RIMS1: variants seen among roughly 807,000 people sequenced by gnomAD.
RIMS1 encodes the protein regulating synaptic membrane exocytosis 1, also known as regulating synaptic membrane exocytosis protein 1.
A neutral mutation model predicts 214.1 loss-of-function variants in RIMS1; 83 were observed. That is an observed-to-expected ratio of 0.39 (90% CI 0.32 to 0.47). RIMS1 has a LOEUF of 0.47. Ranked by LOEUF, RIMS1 falls within the 20% of genes least tolerant of loss-of-function variation. The pLI is 0.99. For missense variants in RIMS1, 2,050 were observed against 2,161.8 expected, an observed-to-expected ratio of 0.95 and a Z score of 1.03; for synonymous variants, 793 against 786.8, an observed-to-expected ratio of 1.01 and a Z score of -0.13.
intron 1 of RIMS1, among the ~76,000 whole-genome samples, chr6:71,916,177 A>C (rs1338485182): frequency 6.6e-6 from 1 of 152,198 alleles, no homozygotes; most frequent in Non-Finnish European, 1.5e-5. Flanking sequence ...TTTAGAAAGC[A>C]GAATAGGAAT....
chr6:72,042,453 T>A (rs1821710998), intron 2 of RIMS1, among the ~76,000 whole-genome samples: 1 of 151,932 alleles, frequency 6.6e-6, no homozygotes. Context: ...CCATGTTTAA[T>A]CAGGTCTTAA....
intron 2 of RIMS1, among the ~76,000 whole-genome samples, chr6:72,013,891 T>C (rs1811770624): frequency 6.6e-6 from 1 of 152,160 alleles, no homozygotes; most frequent in African/African-American, 2.4e-5. Flanking sequence ...CCCCATGTAT[T>C]TTACACCTAA....
chr6:72,387,570 G>T (rs1365086070), intron 29 of RIMS1, among the ~76,000 whole-genome samples: 2 of 152,178 alleles, frequency 1.3e-5, no homozygotes, highest in Non-Finnish European at 2.9e-5. Context: ...AAACTAAACA[G>T]CATTTACAAT....
chr6:71,971,583 T>C (rs1795870281), intron 2 of RIMS1, among the ~76,000 whole-genome samples: 1 of 152,186 alleles, frequency 6.6e-6, no homozygotes, highest in African/African-American at 2.4e-5. Context: ...TTCATGCTAC[T>C]GATAAAGACA....
intron 29 of RIMS1, among the ~76,000 whole-genome samples, chr6:72,346,866 C>T (rs998023577): frequency 2.6e-5 from 4 of 151,660 alleles, no homozygotes; most frequent in Non-Finnish European, 2.9e-5. Flanking sequence ...AGTCAGAGAC[C>T]GCTTAATCCA....
intron 28 of RIMS1, among the ~76,000 whole-genome samples, chr6:72,315,128 A>G (rs1326570121): frequency 6.6e-6 from 1 of 152,200 alleles, no homozygotes; most frequent in African/African-American, 2.4e-5. Flanking sequence ...GGGGAAAACT[A>G]CATGTTAGTA....
At chr6:71,986,224 T>C (rs2151540857) in intron 2 of RIMS1, among the ~76,000 whole-genome samples, 1 of 151,358 alleles carries the variant, frequency 6.6e-6, no homozygotes, top group South Asian at 2.1e-4. Context: ...TTCACCCTCT[T>C]AGTAGAGAGA....
chr6:72,367,924 G>A (rs2098089117), intron 29 of RIMS1, among the ~76,000 whole-genome samples: 2 of 152,050 alleles, frequency 1.3e-5, no homozygotes, highest in African/African-American at 4.8e-5. Context: ...AGTAATACTT[G>A]TATTAAATTA....
intron 6 of RIMS1, among the ~76,000 whole-genome samples, chr6:72,197,846 A>T (rs2051253275): frequency 6.6e-6 from 1 of 152,134 alleles, no homozygotes; most frequent in Admixed American, 6.6e-5. Flanking sequence ...GAGTACAAAG[A>T]TTATAATTGT....
intron 4 of RIMS1, among the ~76,000 whole-genome samples, chr6:72,137,797 C>T (rs1289503109): frequency 2.1e-5 from 3 of 144,056 alleles, no homozygotes; most frequent in African/African-American, 7.8e-5. Flanking sequence ...AGTGCAGTGG[C>T]ACGATCTCGG....
rs567241693 is a variant in RIMS1 at position 72,037,345 on chromosome 6, A to G, written c.246-59604A>G. On this transcript the variant is annotated intron_variant, in intron 2 of 33. Coordinates refer to ENST00000521978, the MANE Select transcript of RIMS1 (RefSeq NM_014989.7). ...ATTCTAAAAACACTTTGGTATTCTCATAATGAGAAATGTAATCCAGGGCTT... is the reference window on the plus strand; with the variant it reads ...ATTCTAAAAACACTTTGGTATTCTCGTAATGAGAAATGTAATCCAGGGCTT... 5.9e-5 allele frequency among the ~76,000 whole-genome samples: 9 copies of G among 152,260 alleles called. No individual in the cohort carries two copies. In the South Asian group the frequency reaches 1.7e-3, roughly 28 times the overall value.
In RIMS1 at chr6:72,182,474, G is replaced by A; in HGVS notation, c.1003G>A (p.Asp335Asn). The A allele has an allele frequency of 6.2e-7, 1 of 1,613,286 alleles. No individual in the cohort carries two copies. Among genetic ancestry groups the A allele is most frequent in the Non-Finnish European group, 8.5e-7 (1 of 1,179,560 alleles). Residue 335 changes from aspartate to asparagine, a missense_variant, in exon 6 of 34, where the codon GAT becomes AAT. Asp to Asn is a conservative substitution (Grantham distance 23). Around this residue, in one of 6 missense-constraint regions of RIMS1, gnomAD observed 882 missense variants for 828.9 expected, o/e 1.06. Coordinates refer to ENST00000521978, the MANE Select transcript of RIMS1 (RefSeq NM_014989.7). Reference sequence around the variant, plus strand: ...TTACCCAGACACGCCGGAAAAACGGGATGAGGGCAAAGCGGCGGATGAGGA... The same window carrying A: ...TTACCCAGACACGCCGGAAAAACGGAATGAGGGCAAAGCGGCGGATGAGGA... Reference protein sequence around the residue: ...QDYPDTPEKRDEGKAADEEKQ... With the variant: ...QDYPDTPEKRNEGKAADEEKQ...
chr6:72,398,921 A>G, intron 32 of RIMS1, 34 bp from the exon 33 acceptor site: 1 of 1,328,344 alleles, frequency 7.5e-7, no homozygotes, highest in Non-Finnish European at 1.1e-6. Context: ...AATTTAAGGA[A>G]TAATTTCTTA....
chr6:72,216,470 G>A, intron 6 of RIMS1: 2 of 985,482 alleles, frequency 2.0e-6, no homozygotes, highest in Non-Finnish European at 2.4e-6. Context: ...ACTTTTGCCT[G>A]TGTTCCCAAC....
chr6:72,308,200 G>A (rs1359684663), intron 27 of RIMS1, among the ~76,000 whole-genome samples: 1 of 151,956 alleles, frequency 6.6e-6, no homozygotes. Context: ...GTGCTAATAA[G>A]CATTTAATTT....
intron 1 of RIMS1, among the ~76,000 whole-genome samples, chr6:71,949,026 T>C (rs986999351): frequency 1.3e-5 from 2 of 152,344 alleles, no homozygotes; most frequent in African/African-American, 2.4e-5. Flanking sequence ...ACAACCATCA[T>C]ATGTAAAGGC....
chr6:72,367,117 A>T (rs948562189), intron 29 of RIMS1, among the ~76,000 whole-genome samples: 2 of 152,246 alleles, frequency 1.3e-5, no homozygotes, highest in Non-Finnish European at 2.9e-5. Flanking sequence ...TATTTATAGC[A>T]TTGTAATATC....
At chr6:72,260,318 T>C (rs111390345) in intron 18 of RIMS1, among the ~76,000 whole-genome samples, 7 of 152,272 alleles carry the variant, frequency 4.6e-5, no homozygotes, top group African/African-American at 1.4e-4. Flanking sequence ...TTTAATTTGT[T>C]ATAAAGTTAT....
intron 4 of RIMS1, among the ~76,000 whole-genome samples, chr6:72,179,035 C>T (rs1327478332): frequency 6.6e-6 from 1 of 152,174 alleles, no homozygotes; most frequent in Non-Finnish European, 1.5e-5. Context: ...AAAATATACA[C>T]ATTGACCTTT....
Sources: gnomAD v4.1 joint callset for allele counts (sites outside exome capture counted in the v4.1 genomes callset) on GRCh38, gnomAD v4.1.1 for gene constraint, gnomAD v4.1.1 regional missense constraint, MANE v1.5 for transcripts, NCBI Gene and HGNC (gene_info 2026-07-23, HGNC 2026-07-21) for gene names.